ZNF804B: variants seen among roughly 807,000 people sequenced by gnomAD.
The protein encoded by ZNF804B is zinc finger protein 804B.
A neutral mutation model predicts 101.4 loss-of-function variants in ZNF804B; 80 were observed. The observed-to-expected ratio is 0.79, with a 90% CI of 0.66 to 0.95. The LOEUF is 0.95. ZNF804B is among the 40% of genes least tolerant of loss of function. The pLI is 0.00. For synonymous variants in ZNF804B, 622 were observed against 558.8 expected (o/e 1.11, Z -1.59); for missense variants, 1,673 against 1,561.9 (o/e 1.07, Z -1.20).
intron 1 of ZNF804B, among the ~76,000 whole-genome samples, chr7:88,972,632 T>C (rs1444397168): frequency 1.3e-5 from 2 of 151,246 alleles, no homozygotes; most frequent in Non-Finnish European, 3.0e-5. Flanking sequence ...TGGAAGAAAG[T>C]GTTGATATAA....
At chr7:88,917,619 A>C (rs552367972) in intron 1 of ZNF804B, among the ~76,000 whole-genome samples, 1 of 152,210 alleles carries the variant, frequency 6.6e-6, no homozygotes, top group African/African-American at 2.4e-5. Context: ...ATAGCAGTCA[A>C]CTATTTTCTG....
intron 1 of ZNF804B, among the ~76,000 whole-genome samples, chr7:89,063,614 G>A (rs1789408829): frequency 6.6e-6 from 1 of 152,144 alleles, no homozygotes; most frequent in South Asian, 2.1e-4. Flanking sequence ...TGATGTAAAG[G>A]AAATGAGAAT....
intron 1 of ZNF804B, among the ~76,000 whole-genome samples, chr7:89,121,963 TA>T (rs1375754882): frequency 1.3e-5 from 2 of 152,044 alleles, no homozygotes; most frequent in Admixed American, 6.6e-5. Context: ...ATACAGTGTT[TA>T]TTAGAAGATT....
intron 2 of ZNF804B, among the ~76,000 whole-genome samples, chr7:89,230,233 C>G (rs909892584): frequency 2.0e-5 from 3 of 151,446 alleles, no homozygotes; most frequent in African/African-American, 7.3e-5. Context: ...AAACTAAAAG[C>G]TGACTCTCTT....
chr7:89,299,408 G>A (rs1043766124), intron 2 of ZNF804B, among the ~76,000 whole-genome samples: 7 of 151,592 alleles, frequency 4.6e-5, no homozygotes, highest in African/African-American at 1.7e-4. Flanking sequence ...TTATTTGCTT[G>A]TTTGACAGTT....
intron 1 of ZNF804B, among the ~76,000 whole-genome samples, chr7:89,029,809 T>G (rs1167877311): frequency 2.0e-5 from 3 of 152,114 alleles, no homozygotes; most frequent in Non-Finnish European, 4.4e-5. Flanking sequence ...TGTAATTGAG[T>G]GTTAGAAGCT....
intron 1 of ZNF804B, among the ~76,000 whole-genome samples, chr7:88,873,453 T>G (rs1791872426): frequency 6.6e-6 from 1 of 152,242 alleles, no homozygotes; most frequent in Admixed American, 6.5e-5. Flanking sequence ...TCTTTTGCTG[T>G]GCAGAAGCTC....
chr7:89,159,099 A>C (rs553928555), intron 1 of ZNF804B, among the ~76,000 whole-genome samples: 3 of 152,274 alleles, frequency 2.0e-5, no homozygotes, highest in African/African-American at 7.2e-5. Context: ...GAGAGGAGTG[A>C]ATTTACTAAG....
intron 1 of ZNF804B, among the ~76,000 whole-genome samples, chr7:88,801,018 G>A (rs202011808): frequency 1.2e-5 from 1 of 83,680 alleles, no homozygotes; most frequent in Non-Finnish European, 2.2e-5. Context: ...AACCCTGACT[G>A]TCTATTAGAA....
intron 1 of ZNF804B, among the ~76,000 whole-genome samples, chr7:89,157,733 TC>T (rs1790997780): frequency 6.6e-6 from 1 of 152,148 alleles, no homozygotes; most frequent in African/African-American, 2.4e-5. Flanking sequence ...TGTTTTTCCA[TC>T]TTTTTTTTGG....
At chr7:89,184,061 G>C (rs1224578952) in intron 1 of ZNF804B, among the ~76,000 whole-genome samples, 3 of 152,108 alleles carry the variant, frequency 2.0e-5, no homozygotes, top group Non-Finnish European at 4.4e-5. Flanking sequence ...ATGGAGGCCG[G>C]CTCCAAATTA....
intron 1 of ZNF804B, among the ~76,000 whole-genome samples, chr7:89,107,114 T>A (rs1790147266): frequency 6.6e-6 from 1 of 152,120 alleles, no homozygotes; most frequent in African/African-American, 2.4e-5. Flanking sequence ...CAATTGGAAA[T>A]TGCCCTGGTA....
intron 1 of ZNF804B, among the ~76,000 whole-genome samples, chr7:88,928,661 C>T (rs1792841250): frequency 1.3e-5 from 2 of 152,148 alleles, no homozygotes; most frequent in Admixed American, 1.3e-4. Flanking sequence ...AGTATTCTTT[C>T]TCTCTTCCCT....
intron 1 of ZNF804B, among the ~76,000 whole-genome samples, chr7:89,074,408 C>T (rs944737839): frequency 1.3e-5 from 2 of 152,096 alleles, no homozygotes; most frequent in Admixed American, 6.6e-5. Context: ...CAGGTCTTTC[C>T]TGTGCTGTTC....
At chr7:88,935,812 T>C (rs1792960300) in intron 1 of ZNF804B, among the ~76,000 whole-genome samples, 1 of 152,084 alleles carries the variant, frequency 6.6e-6, no homozygotes, top group Non-Finnish European at 1.5e-5. Flanking sequence ...TGGAAGTCTG[T>C]TCAACTACTA....
At chr7:89,042,090 A>G (rs190653439) in intron 1 of ZNF804B, among the ~76,000 whole-genome samples, 37 of 152,312 alleles carry the variant, frequency 2.4e-4, no homozygotes, top group Admixed American at 4.6e-4. Context: ...CAGCTCAACT[A>G]TAAATAGTAG....
rs529417004 is a variant in ZNF804B, at chr7:88,872,005, T to C, written c.108+111921T>C. ...GAAAACTGAAGTGAAAGTAGTAATA[T>C]GTAGGAAATTTTATGATTTTCCAAA... is the stretch of plus-strand genomic sequence containing the variant. On this transcript the variant is annotated intron_variant, in intron 1 of 3. Coordinates refer to ENST00000333190, the MANE Select transcript of ZNF804B (RefSeq NM_181646.5). Among the ~76,000 whole-genome samples the C allele has an allele frequency of 8.5e-5, 13 of 152,146 alleles. No homozygotes were observed. The South Asian group carries it at 2.3e-3, about 27-fold the overall frequency.
At chr7:88,927,425 G>C (rs978214471) in intron 1 of ZNF804B, among the ~76,000 whole-genome samples, 1 of 152,130 alleles carries the variant, frequency 6.6e-6, no homozygotes, top group African/African-American at 2.4e-5. Flanking sequence ...CACATGAAGA[G>C]AAACATCACT....
intron 2 of ZNF804B, among the ~76,000 whole-genome samples, chr7:89,270,137 C>T (rs528451666): frequency 3.3e-5 from 5 of 152,150 alleles, no homozygotes; most frequent in African/African-American, 7.2e-5. Flanking sequence ...GAAGTCCTTG[C>T]CCATGCCTAT....
Sources: allele counts gnomAD v4.1 joint callset (sites outside exome capture counted in the v4.1 genomes callset), GRCh38; gene constraint gnomAD v4.1.1; transcripts MANE v1.5; gene names NCBI Gene and HGNC (gene_info 2026-07-23, HGNC 2026-07-21).